ANAPC2: variants seen among roughly 807,000 people sequenced by gnomAD.
ANAPC2 encodes anaphase-promoting complex subunit 2.
In ANAPC2, 29 loss-of-function variants were observed where a neutral mutation model predicts 84.3. The ratio of observed to expected loss-of-function variants is 0.34; its 90% CI spans 0.26 to 0.47. ANAPC2 has a LOEUF of 0.47. Ranked by LOEUF, ANAPC2 falls within the 20% of genes least tolerant of loss-of-function variation. The pLI is 1.00. For synonymous variants in ANAPC2, 571 were observed against 479.4 expected (o/e 1.19, Z -2.50); for missense variants, 857 against 1,131.7 (o/e 0.76, Z 3.48).
intron 7 of ANAPC2, 57 bp downstream of exon 7, chr9:137,181,624 C>T (rs956765336): frequency 1.3e-5 from 19 of 1,495,820 alleles, no homozygotes; most frequent in Middle Eastern, 2.3e-4. Flanking sequence ...CCAGAGCGGA[C>T]GGCCTGGCTG....
intron 2 of ANAPC2, 172 bp downstream of exon 2, chr9:137,187,307 AAG>A: frequency 1.2e-6 from 1 of 805,636 alleles, no homozygotes; most frequent in Non-Finnish European, 1.9e-6. Context: ...TGAGTGACAG[AAG>A]AGAGACACCT....
In ANAPC2 at chr9:137,180,339, C is replaced by T. The variant is rs1834316421; in HGVS notation, c.1732G>A (p.Asp578Asn). 2 of 1,613,208 alleles carry T rather than the reference C, an allele frequency of 1.2e-6. No individual in the cohort carries two copies. The highest frequency in any genetic ancestry group is 2.2e-5 in the East Asian group (1 of 44,886). ...RRINANIREEDEKRPAEEQPP... is the reference protein window; with the variant it reads ...RRINANIREENEKRPAEEQPP... ...TGCTCCTCTGCTGGCCGCTTCTCAT[C>T]CTCCTCCCGGATGTTGGCATTGATG... The change falls in exon 10 of 13, where the codon GAT becomes AAT. Residue 578 changes from aspartate (D) to asparagine (N), a missense_variant. By Grantham distance (23) the Asp-to-Asn change is conservative. Coordinates refer to ENST00000323927, the MANE Select transcript of ANAPC2 (RefSeq NM_013366.4).
At position 137,183,704 on chromosome 9, in the gene ANAPC2, T is replaced by C; in HGVS notation, c.1136A>G (p.Lys379Arg). Residue 379 changes from lysine to arginine, a missense_variant, in exon 5 of 13, where the codon AAG becomes AGG. Physicochemically the swap from Lys to Arg is conservative, Grantham distance 26. This residue lies in a region of ANAPC2 where 428 missense variants were observed against 513.8 expected (regional missense o/e 0.83). Transcript: ENST00000323927. Reference sequence around the variant, plus strand: ...CAGGAGCCGAGTCTCCAGGGCAGCCTTGAGGGACACGAGCAGCTGCTGCCT... The same window carrying C: ...CAGGAGCCGAGTCTCCAGGGCAGCCCTGAGGGACACGAGCAGCTGCTGCCT... ...DQRQQLLVSL[K>R]AALETRLLHP... The C allele has an allele frequency of 6.2e-7, 1 of 1,612,738 alleles. No homozygotes were observed. The highest frequency in any genetic ancestry group is 8.5e-7 in the Non-Finnish European group (1 of 1,179,812).
rs11549105 is a variant in ANAPC2, at chr9:137,183,187, G to A, written c.1224C>T (p.Arg408=). The change falls in exon 6 of 13, where the codon CGC becomes CGT. Residue 408 remains arginine, a synonymous_variant. Coordinates refer to ENST00000323927, the MANE Select transcript of ANAPC2 (RefSeq NM_013366.4). ...TLYISAIKAL[R]VLDPSMVILE... ...GGATGACCATGGAAGGGTCCAGCACGCGCAGCGCCTTGATGGCAGAGATAT... is the reference window on the plus strand; with the variant it reads ...GGATGACCATGGAAGGGTCCAGCACACGCAGCGCCTTGATGGCAGAGATAT... 0.23 allele frequency: 365,854 copies of A among 1,612,950 alleles called. 45,356 individuals carry two copies. The highest frequency in any genetic ancestry group is 0.28 in the Middle Eastern group (1,712 of 6,052).
At chr9:137,180,667 G>A (rs914207111) in intron 8 of ANAPC2, 121 bp downstream of exon 8, 5 of 1,563,000 alleles carry the variant, frequency 3.2e-6, no homozygotes, top group East Asian at 2.3e-5. Context: ...CCCCAGCCAG[G>A]AGTGGGGGCG....
chr9:137,187,274 G>A lies in ANAPC2; in HGVS notation c.740+207C>T, dbSNP rs1220532598. On this transcript the variant is annotated intron_variant, in intron 2 of 12. Coordinates refer to ENST00000323927, the MANE Select transcript of ANAPC2 (RefSeq NM_013366.4). ...CACATAGGGCCTTACCAGGGTCAAG[G>A]CATGAATCTGTGGGACTGAAGGTGA... The A allele has an allele frequency of 1.7e-5, 11 of 662,130 alleles. No homozygotes were observed. In the East Asian group the frequency reaches 3.0e-4, roughly 18 times the overall value. 41.0% of individuals were successfully genotyped at this position (662,130 alleles called of 1,614,324 possible).
At position 137,180,781 on chromosome 9, in the gene ANAPC2, G is replaced by T; in HGVS notation, c.1610+7C>A. 6.2e-7 allele frequency: 1 copy of T among 1,609,606 alleles called. No homozygotes were observed. On this transcript the variant is annotated splice_region_variant and intron_variant, in intron 8 of 12. Transcript: ENST00000323927. ...CCTGGAGATGGCCAGCGCGTCACAG[G>T]CCTCACCGCTCGGGGCTGAAGCTGA...
Position 137,175,705 on chromosome 9 carries a change from C to A in ANAPC2, c.2020+3G>T. The A allele has an allele frequency of 6.2e-7, 1 of 1,609,116 alleles. No individual in the cohort carries two copies. The highest frequency in any genetic ancestry group is 1.1e-5 in the South Asian group (1 of 90,718). On this transcript the variant is annotated splice_donor_region_variant and intron_variant, in intron 11 of 12. Coordinates refer to ENST00000323927, the MANE Select transcript of ANAPC2 (RefSeq NM_013366.4). ...CAGGCCAGCTAGGGGCTGGTGGGCT[C>A]ACCTTGGTCCTGAAAATACAGCAAG...
In ANAPC2 at chr9:137,183,737, G is replaced by A. The variant is rs771127658; in HGVS notation, c.1103C>T (p.Thr368Met). 6.8e-6 allele frequency: 11 copies of A among 1,613,166 alleles called. 1 individual carries two copies. Among genetic ancestry groups the A allele is most frequent in the South Asian group, 3.3e-5 (3 of 91,076 alleles). ...CACGAGCAGCTGCTGCCTCTGGTCCGTCCTCTCCAGGCAGTACTTGAGGTC... is the reference window on the plus strand; with the variant it reads ...CACGAGCAGCTGCTGCCTCTGGTCCATCCTCTCCAGGCAGTACTTGAGGTC... ...IEDLKYCLERTDQRQQLLVSL... is the reference protein window; with the variant it reads ...IEDLKYCLERMDQRQQLLVSL... The change falls in exon 5 of 13, where the codon ACG becomes ATG. Residue 368 changes from threonine (T) to methionine (M), a missense_variant. Physicochemically the swap from Thr to Met is moderately conservative, Grantham distance 81 (BLOSUM62 -1). This residue lies in a region of ANAPC2 where 428 missense variants were observed against 513.8 expected (regional missense o/e 0.83). Transcript: ENST00000323927.
rs767321067 is a variant in ANAPC2, at chr9:137,174,922, G to A, written c.*20C>T. 1.3e-6 allele frequency: 2 copies of A among 1,489,930 alleles called. No individual in the cohort carries two copies. Among genetic ancestry groups the A allele is most frequent in the Non-Finnish European group, 1.8e-6 (2 of 1,119,082 alleles). 92.3% of individuals were successfully genotyped at this position (1,489,930 alleles called of 1,614,324 possible). ...CTGCAGGGCAGCGCCTGGCGGGCGG[G>A]CGGGCGGGCGGGCGATGTGTCAGCT... is the stretch of plus-strand genomic sequence containing the variant. On this transcript the variant is annotated 3_prime_UTR_variant, in exon 13 of 13. Transcript: ENST00000323927. This position sits in a 1 kb window ranked among gnomAD's most constrained non-coding sequence, Gnocchi z 6.1.
chr9:137,187,369 G>T, intron 2 of ANAPC2, 112 bp downstream of exon 2: 1 of 1,381,198 alleles, frequency 7.2e-7, no homozygotes, highest in Non-Finnish European at 9.7e-7. Context: ...TCTCTGTCAT[G>T]TTCCTGGTTA....
At position 137,180,859 on chromosome 9, in the gene ANAPC2, G is replaced by A. The variant is rs773695960; in HGVS notation, c.1539C>T (p.Asp513=). 14 of 1,613,350 alleles carry A rather than the reference G, an allele frequency of 8.7e-6. No individual in the cohort carries two copies. The highest frequency in any genetic ancestry group is 1.7e-5 in the Admixed American group (1 of 60,024). ...GCGAGCGGTACTCATTGATGAAGAGGTCCTTGCTGCCGTAGATGCTGACCA... is the reference window on the plus strand; with the variant it reads ...GCGAGCGGTACTCATTGATGAAGAGATCCTTGCTGCCGTAGATGCTGACCA... ...SLLVSIYGSK[D]LFINEYRSLL... is the part of the protein sequence containing the mutation. Residue 513 remains aspartate (D), a synonymous_variant, in exon 8 of 13, where the codon GAC becomes GAT. Transcript: ENST00000323927.
intron 12 of ANAPC2, 40 bp downstream of exon 12, chr9:137,175,197 G>T: frequency 6.2e-7 from 1 of 1,602,976 alleles, no homozygotes; most frequent in East Asian, 2.3e-5. Context: ...TGCAGGCCTC[G>T]CCCCCGCCCC....
chr9:137,175,520 A>C (rs2131327803), intron 11 of ANAPC2, 48 bp from the exon 12 acceptor site: 1 of 1,502,092 alleles, frequency 6.7e-7, no homozygotes, highest in Non-Finnish European at 8.9e-7. Context: ...CACGGGCTGC[A>C]CCTCCCCTGC....
At chr9:137,185,231 G>A in intron 3 of ANAPC2, 144 bp from the exon 4 acceptor site, 1 of 886,186 alleles carries the variant, frequency 1.1e-6, no homozygotes, top group South Asian at 2.0e-5. Context: ...GGAGGCTGGA[G>A]CACATCAAAA....
intron 4 of ANAPC2, 39 bp from the exon 5 acceptor site, chr9:137,183,830 T>C (rs769953040): frequency 6.2e-7 from 1 of 1,608,398 alleles, no homozygotes; most frequent in Non-Finnish European, 8.5e-7. Flanking sequence ...CAGACATGGA[T>C]GCGTGCGCAC....
At chr9:137,186,458 GCACACACA>G (rs148147354) in intron 2 of ANAPC2, 102 bp from the exon 3 acceptor site, 6 of 1,330,348 alleles carry the variant, frequency 4.5e-6, no homozygotes, top group Non-Finnish European at 6.1e-6. Flanking sequence ...AGTGCATGCA[GCACACACA>G]CACACACACA....
In ANAPC2 at chr9:137,180,712, T is replaced by C; in HGVS notation, c.1610+76A>G. 4 of 1,579,686 alleles carry C rather than the reference T, an allele frequency of 2.5e-6. No homozygotes were observed. In the South Asian group the frequency reaches 3.4e-5, roughly 13 times the overall value. ...CTCCAACCAGGCCCCAGGCACGGCG[T>C]CAGGGCCCTGTCCCGAGAGAGGCTG... On this transcript the variant is annotated intron_variant, in intron 8 of 12. Coordinates refer to ENST00000323927, the MANE Select transcript of ANAPC2 (RefSeq NM_013366.4).
Position 137,185,179 on chromosome 9 carries a change from T to C in ANAPC2, c.874-92A>G, listed in dbSNP as rs1588764307. The C allele has an allele frequency of 9.5e-6, 13 of 1,361,640 alleles. No homozygotes were observed. In the East Asian group the frequency reaches 3.6e-4, roughly 38 times the overall value. The allele number at this position is 1,361,640 out of a possible 1,614,324, so 84.3% of individuals were successfully genotyped here. A position where few individuals can be genotyped will look rare whatever the true frequency, so the allele number is the denominator to read the frequency against. On this transcript the variant is annotated intron_variant, in intron 3 of 12. Coordinates refer to ENST00000323927, the MANE Select transcript of ANAPC2 (RefSeq NM_013366.4). ...GGAGGAGCCTCACGGCCACCCACCC[T>C]GTCGGCCGGGACCGAGGGGAGCCCG...
Sources: allele counts gnomAD v4.1 joint callset, GRCh38; gene constraint gnomAD v4.1.1; regional missense constraint gnomAD v4.1.1; non-coding constraint Gnocchi (gnomAD v3.1); transcripts MANE v1.5; gene names NCBI Gene and HGNC (gene_info 2026-07-23, HGNC 2026-07-21).